The following EDIL3 variants were observed in gnomAD, a reference collection of about 807,000 sequenced individuals.
The protein encoded by EDIL3 is EGF like and discoidin domains 3.
In EDIL3, 37 loss-of-function variants were observed where a neutral mutation model predicts 67.4. That is an observed-to-expected ratio of 0.55 (90% confidence interval 0.42 to 0.72). The LOEUF (loss-of-function observed/expected upper bound fraction) is 0.72, where lower values mean the gene tolerates loss of function less well. Among genes scored for constraint, EDIL3 ranks in the 30% least tolerant of loss-of-function variants. The pLI, the probability that EDIL3 is intolerant of heterozygous loss-of-function variation, is 0.00. For synonymous variants in EDIL3, 195 were observed against 196.3 expected (o/e 0.99, Z 0.05); for missense variants, 527 against 586.3 (o/e 0.90, Z 1.04).
chr5:84,355,580 T>C (rs1220318286), intron 1 of EDIL3, among the ~76,000 whole-genome samples: 1 of 152,092 alleles, frequency 6.6e-6, no homozygotes, highest in Non-Finnish European at 1.5e-5. Flanking sequence ...GGAGGTCCAC[T>C]CCAGACCCTG....
At chr5:84,223,553 C>A (rs1253597820) in intron 3 of EDIL3, among the ~76,000 whole-genome samples, 1 of 151,584 alleles carries the variant, frequency 6.6e-6, no homozygotes, top group Non-Finnish European at 1.5e-5. Context: ...ATCTCACTTA[C>A]ATATGAAATC....
intron 9 of EDIL3, among the ~76,000 whole-genome samples, chr5:83,980,554 G>A (rs1019762827): frequency 1.3e-5 from 2 of 151,404 alleles, no homozygotes; most frequent in Non-Finnish European, 2.9e-5. Context: ...TGGGCCTGGT[G>A]GCGCACACTT....
chr5:84,254,106 G>C lies in EDIL3; in HGVS notation c.174C>G (p.Asn58Lys). ...TACCAACCTCCACAACACTAGAACA[G>C]TTGGGGTCTGTGAAGCCATCTGGAC... ...CECPDGFTDP[N>K]CSSVVEVASD... The change falls in exon 2 of 11, where the codon AAC becomes AAG. Residue 58 changes from asparagine to lysine, a missense_variant. Around this residue, in one of 2 missense-constraint regions of EDIL3, gnomAD observed 494 missense variants for 522.5 expected, o/e 0.95. Transcript: ENST00000296591. The C allele has an allele frequency of 6.2e-7, 1 of 1,611,300 alleles. No homozygotes were observed. Among genetic ancestry groups the C allele is most frequent in the Non-Finnish European group, 8.5e-7 (1 of 1,178,728 alleles).
At chr5:84,334,346 G>A (rs547892654) in intron 1 of EDIL3, among the ~76,000 whole-genome samples, 2 of 152,082 alleles carry the variant, frequency 1.3e-5, no homozygotes, top group African/African-American at 4.8e-5. Context: ...TTACAGGCAT[G>A]AGCCACCGCG....
Position 84,137,837 on chromosome 5 carries a change from G to A in EDIL3, c.356-483C>T, listed in dbSNP as rs78485391. ...AGTTCGTCTTTGATGAATACGATGA[G>A]AAGCAAATTAGAGTTAATAGCTAAA... On this transcript the variant is annotated intron_variant, in intron 4 of 10. Transcript: ENST00000296591. Among the ~76,000 whole-genome samples, 655 of 152,282 alleles carry A rather than the reference G, an allele frequency of 4.3e-3. 1 individual carries two copies. Among genetic ancestry groups the A allele is most frequent in the Non-Finnish European group, 6.7e-3 (455 of 68,022 alleles).
intron 10 of EDIL3, among the ~76,000 whole-genome samples, chr5:83,950,378 G>T (rs1744396163): frequency 6.6e-6 from 1 of 151,734 alleles, no homozygotes; most frequent in South Asian, 2.1e-4. Flanking sequence ...GGTATTGAAG[G>T]GCTACAGGTT....
intron 1 of EDIL3, among the ~76,000 whole-genome samples, chr5:84,353,025 G>A (rs1186418605): frequency 6.6e-6 from 1 of 152,076 alleles, no homozygotes; most frequent in Non-Finnish European, 1.5e-5. Context: ...GCAACAGTCA[G>A]GGATGATAGT....
chr5:84,078,292 G>A (rs992393014), intron 6 of EDIL3, among the ~76,000 whole-genome samples: 3 of 152,010 alleles, frequency 2.0e-5, no homozygotes, highest in Admixed American at 6.5e-5. Flanking sequence ...GTGTACCTGT[G>A]TGTATGTGTG....
intron 9 of EDIL3, among the ~76,000 whole-genome samples, chr5:84,054,551 T>C (rs947976889): frequency 7.9e-5 from 12 of 152,116 alleles, no homozygotes; most frequent in African/African-American, 2.7e-4. Context: ...ATTGTATATC[T>C]AGAAAACCCT....
chr5:84,261,353 C>A (rs1259293490), intron 1 of EDIL3, among the ~76,000 whole-genome samples: 1 of 152,098 alleles, frequency 6.6e-6, no homozygotes, highest in Non-Finnish European at 1.5e-5. Flanking sequence ...TGCTTTTGTG[C>A]CTCTTTAGAG....
Position 84,268,202 on chromosome 5 carries a change from T to C in EDIL3, c.68-13990A>G, listed in dbSNP as rs1745389484. 2.6e-5 allele frequency among the ~76,000 whole-genome samples: 4 copies of C among 152,066 alleles called. No individual in the cohort carries two copies. In the South Asian group the frequency reaches 8.3e-4, roughly 32 times the overall value. ...TTGGCCAAAAAGAGTTAACTGTCCT[T>C]TGATAATGATCCTATCTCATGGCAG... On this transcript the variant is annotated intron_variant, in intron 1 of 10. Coordinates refer to ENST00000296591, the MANE Select transcript of EDIL3 (RefSeq NM_005711.5).
intron 5 of EDIL3, among the ~76,000 whole-genome samples, chr5:84,108,364 A>G (rs1259639338): frequency 6.6e-6 from 1 of 152,102 alleles, no homozygotes; most frequent in Non-Finnish European, 1.5e-5. Context: ...TACAGTAAAA[A>G]TTGCATCTTT....
intron 1 of EDIL3, among the ~76,000 whole-genome samples, chr5:84,297,294 GATC>G (rs1746071939): frequency 6.6e-6 from 1 of 151,508 alleles, no homozygotes; most frequent in Non-Finnish European, 1.5e-5. Flanking sequence ...TAACATCACT[GATC>G]ATCAGAGAAA....
At chr5:84,381,771 T>G (rs1748079946) in intron 1 of EDIL3, among the ~76,000 whole-genome samples, 1 of 152,232 alleles carries the variant, frequency 6.6e-6, no homozygotes, top group African/African-American at 2.4e-5. Context: ...ATTGAATTTT[T>G]TAGAGCAACC....
chr5:84,202,544 C>A (rs1743865810), intron 3 of EDIL3, among the ~76,000 whole-genome samples: 1 of 151,992 alleles, frequency 6.6e-6, no homozygotes. Flanking sequence ...AGACAAGAAA[C>A]AAATGGGTGT....
chr5:84,383,966 C>T (rs1309469364), intron 1 of EDIL3, among the ~76,000 whole-genome samples: 2 of 152,162 alleles, frequency 1.3e-5, no homozygotes, highest in African/African-American at 4.8e-5. Flanking sequence ...GTCAGCATCG[C>T]CCGCACTGCC....
intron 2 of EDIL3, among the ~76,000 whole-genome samples, chr5:84,235,003 G>A (rs1744652341): frequency 6.6e-6 from 1 of 152,064 alleles, no homozygotes; most frequent in Admixed American, 6.6e-5. Flanking sequence ...GGGAAGCAGA[G>A]GCATTACTAA....
At chr5:84,199,264 T>C (rs2112376279) in intron 3 of EDIL3, among the ~76,000 whole-genome samples, 1 of 152,102 alleles carries the variant, frequency 6.6e-6, no homozygotes, top group South Asian at 2.1e-4. Context: ...ATAACCATCC[T>C]CCCCTTTACT....
chr5:84,261,933 A>T (rs1316948539), intron 1 of EDIL3, among the ~76,000 whole-genome samples: 1 of 152,174 alleles, frequency 6.6e-6, no homozygotes, highest in African/African-American at 2.4e-5. Context: ...ATAAGGAGAA[A>T]ATCTGCTGTT....
Sources: allele counts gnomAD v4.1 joint callset (sites outside exome capture counted in the v4.1 genomes callset), GRCh38; gene constraint gnomAD v4.1.1; regional missense constraint gnomAD v4.1.1; transcripts MANE v1.5; gene names NCBI Gene and HGNC (gene_info 2026-07-23, HGNC 2026-07-21).